Variants in PRKCH observed in about 807,000 individuals in gnomAD.
PRKCH encodes protein kinase C eta type.
A neutral mutation model predicts 82.5 loss-of-function variants in PRKCH; 28 were observed. That is an observed-to-expected ratio of 0.34 (90% CI 0.25 to 0.47). The LOEUF is 0.47. Among genes scored for constraint, PRKCH ranks in the 20% least tolerant of loss-of-function variants. PRKCH has a pLI of 1.00. For missense variants in PRKCH, 705 were observed against 881.8 expected (o/e 0.80, Z 2.54); for synonymous variants, 322 against 327.4 (o/e 0.98, Z 0.18).
At chr14:61,272,985 C>T (rs541101092) in intron 1 of PRKCH, among the ~76,000 whole-genome samples, 1 of 152,152 alleles carries the variant, frequency 6.6e-6, no homozygotes, top group Non-Finnish European at 1.5e-5. Context: ...GAAAGTTTAA[C>T]ATAACAAAAT....
chr14:61,473,693 A>G (rs1230065256), intron 9 of PRKCH, among the ~76,000 whole-genome samples: 2 of 152,170 alleles, frequency 1.3e-5, no homozygotes, highest in Non-Finnish European at 2.9e-5. Flanking sequence ...AGTGGAAACT[A>G]TAATATAAAA....
At chr14:61,453,052 A>T in intron 6 of PRKCH, 174 bp from the exon 7 acceptor site, 1 of 709,980 alleles carries the variant, frequency 1.4e-6, no homozygotes, top group Non-Finnish European at 2.3e-6. Flanking sequence ...AAACAGAAAT[A>T]GATAAAATGT....
At chr14:61,516,779 G>A (rs556842756) in intron 10 of PRKCH, among the ~76,000 whole-genome samples, 3 of 152,216 alleles carry the variant, frequency 2.0e-5, no homozygotes, top group African/African-American at 4.8e-5. Flanking sequence ...TGTCTAGCCC[G>A]TGATTGACAT....
At chr14:61,529,911 AAAATATAT>A (rs1391682633) in intron 11 of PRKCH, among the ~76,000 whole-genome samples, 1 of 109,682 alleles carries the variant, frequency 9.1e-6, no homozygotes, top group East Asian at 2.2e-4. Context: ...ATAATAAAAA[AAAATATAT>A]ATATATATGT....
chr14:61,527,467 C>G (rs995774308), intron 10 of PRKCH, among the ~76,000 whole-genome samples: 1 of 152,146 alleles, frequency 6.6e-6, no homozygotes, highest in Non-Finnish European at 1.5e-5. Flanking sequence ...TTGCTTTCAC[C>G]GAAGCCCTGC....
chr14:61,530,109 CT>C (rs999546779), intron 11 of PRKCH, among the ~76,000 whole-genome samples: 1 of 151,784 alleles, frequency 6.6e-6, no homozygotes, highest in Admixed American at 6.6e-5. Context: ...ACCCAGTCCC[CT>C]TTTTTTTCCA....
chr14:61,379,716 A>G (rs1384088456), intron 1 of PRKCH, among the ~76,000 whole-genome samples: 2 of 152,154 alleles, frequency 1.3e-5, no homozygotes, highest in Non-Finnish European at 2.9e-5. Flanking sequence ...CAACCCAGAG[A>G]GGTGTGAAAG....
At chr14:61,403,357 G>A (rs1401131218) in intron 2 of PRKCH, among the ~76,000 whole-genome samples, 1 of 152,002 alleles carries the variant, frequency 6.6e-6, no homozygotes, top group Non-Finnish European at 1.5e-5. Flanking sequence ...CAGGGAGAAG[G>A]AACTGACACA....
At chr14:61,281,097 G>C in intron 1 of PRKCH, 1 of 1,489,366 alleles carries the variant, frequency 6.7e-7, no homozygotes, top group Non-Finnish European at 8.9e-7. Flanking sequence ...GCTGAGTGAA[G>C]GCGGTGTTGT....
chr14:61,405,161 C>G (rs889925409), intron 2 of PRKCH, among the ~76,000 whole-genome samples: 5 of 152,162 alleles, frequency 3.3e-5, no homozygotes, highest in Admixed American at 1.3e-4. Context: ...CTCATGGTTT[C>G]TTTTTGTTCT....
chr14:61,501,146 G>C (rs1440414505), intron 10 of PRKCH, among the ~76,000 whole-genome samples: 1 of 152,150 alleles, frequency 6.6e-6, no homozygotes, highest in African/African-American at 2.4e-5. Context: ...GAGTTACAGT[G>C]AAAATTAATT....
chr14:61,238,006 T>G (rs1407715441), intron 1 of PRKCH, among the ~76,000 whole-genome samples: 1 of 152,246 alleles, frequency 6.6e-6, no homozygotes, highest in Admixed American at 6.5e-5. Flanking sequence ...TGGCTGCCTG[T>G]GATTGGCTGA....
At chr14:61,226,949 C>A (rs1384647804) in intron 1 of PRKCH, among the ~76,000 whole-genome samples, 1 of 152,156 alleles carries the variant, frequency 6.6e-6, no homozygotes, top group East Asian at 1.9e-4. Flanking sequence ...CACTCCTAGG[C>A]TTTTCACAGT....
intron 1 of PRKCH, chr14:61,281,120 C>T (rs1336326707): frequency 7.1e-7 from 1 of 1,416,160 alleles, no homozygotes; most frequent in Admixed American, 3.0e-5. Context: ...GGCTGGTGGG[C>T]GCCCCGGGCC....
chr14:61,311,937 T>C (rs1300126377), intron 1 of PRKCH, among the ~76,000 whole-genome samples: 2 of 152,046 alleles, frequency 1.3e-5, no homozygotes, highest in Non-Finnish European at 2.9e-5. Flanking sequence ...AATAATCAGA[T>C]CTCACAAGAA....
chr14:61,211,813 C>T (rs994567758), intron 1 of PRKCH, among the ~76,000 whole-genome samples: 3 of 152,092 alleles, frequency 2.0e-5, no homozygotes, highest in Admixed American at 1.3e-4. Context: ...AAGACTTGAA[C>T]AAAAGTGGGA....
intron 2 of PRKCH, among the ~76,000 whole-genome samples, chr14:61,417,065 TAC>T (rs1882596743): frequency 6.6e-6 from 1 of 152,208 alleles, no homozygotes; most frequent in Admixed American, 6.5e-5. Flanking sequence ...ATAAGGGCTG[TAC>T]ATAGGAGCCC....
At chr14:61,297,742 C>T (rs1330891857) in intron 1 of PRKCH, among the ~76,000 whole-genome samples, 9 of 152,198 alleles carry the variant, frequency 5.9e-5, no homozygotes, top group South Asian at 2.1e-4. Flanking sequence ...CTGGCTTGCC[C>T]GCCACTCACC....
At chr14:61,397,844 A>G (rs958771757) in intron 2 of PRKCH, among the ~76,000 whole-genome samples, 1 of 152,224 alleles carries the variant, frequency 6.6e-6, no homozygotes, top group Non-Finnish European at 1.5e-5. Flanking sequence ...TTTATGCCTA[A>G]TGCGGGGGTA....
Sources: gnomAD v4.1 joint callset for allele counts (sites outside exome capture counted in the v4.1 genomes callset) on GRCh38, gnomAD v4.1.1 for gene constraint, MANE v1.5 for transcripts, NCBI Gene and HGNC (gene_info 2026-07-23, HGNC 2026-07-21) for gene names.